GOT1L1: variants seen among roughly 807,000 people sequenced by gnomAD.
GOT1L1 encodes glutamic-oxaloacetic transaminase 1 like 1.
GOT1L1 carries 38 observed loss-of-function variants against 43.6 expected under a neutral mutation model. The ratio of observed to expected loss-of-function variants is 0.87; its 90% CI spans 0.67 to 1.14. GOT1L1 has a LOEUF of 1.14. Ranked by LOEUF, GOT1L1 falls within the 50% of genes most tolerant of loss-of-function variation. The probability of loss-of-function intolerance (pLI) is 0.00; values close to 1 mark genes in which losing one functional copy is unlikely to be tolerated. For missense variants in GOT1L1, 482 were observed against 504.0 expected, an observed-to-expected ratio of 0.96 and a Z score of 0.42; for synonymous variants, 183 against 187.2, an observed-to-expected ratio of 0.98 and a Z score of 0.18.
chr8:37,939,426 AAAAAAATATATAT>A (rs1299478589), intron 1 of GOT1L1, among the ~76,000 whole-genome samples: 4 of 54,602 alleles, frequency 7.3e-5, no homozygotes, highest in African/African-American at 3.3e-4. Context: ...GAAAAAAAAA[AAAAAAATATATAT>A]ATATATATAT....
At chr8:37,934,852 AG>A in intron 8 of GOT1L1, 1 of 594,694 alleles carries the variant, frequency 1.7e-6, no homozygotes, top group East Asian at 2.8e-5. Flanking sequence ...TTGGGATTAC[AG>A]GCATGAGCCA....
At chr8:37,938,575 G>C (rs577961995) in intron 2 of GOT1L1, 125 bp downstream of exon 2, 1 of 797,866 alleles carries the variant, frequency 1.3e-6, no homozygotes, top group Non-Finnish European at 1.9e-6. Context: ...GACTCTCTGA[G>C]CCTCAGGTAT....
intron 5 of GOT1L1, 23 bp downstream of exon 5, chr8:37,936,942 G>T (rs1158952637): frequency 8.7e-6 from 14 of 1,611,894 alleles, no homozygotes; most frequent in Non-Finnish European, 1.2e-5. Context: ...AGACAGGAAG[G>T]TCGGGTGGGA....
chr8:37,935,922 G>A (rs1026614893), intron 6 of GOT1L1, 53 bp from the exon 7 acceptor site: 15 of 1,574,804 alleles, frequency 9.5e-6, no homozygotes, highest in Non-Finnish European at 1.3e-5. Context: ...CACTCCCAAG[G>A]CCTTCACCTA....
chr8:37,938,626 G>T, intron 2 of GOT1L1, 74 bp downstream of exon 2: 3 of 1,374,564 alleles, frequency 2.2e-6, no homozygotes, highest in Non-Finnish European at 2.9e-6. Context: ...GGTCCCCTTC[G>T]GGTTTAAGGT....
At chr8:37,935,428 TGA>T (rs1289255296) in intron 7 of GOT1L1, among the ~76,000 whole-genome samples, 4 of 152,152 alleles carry the variant, frequency 2.6e-5, no homozygotes, top group African/African-American at 9.7e-5. Context: ...TGCAAGCCCC[TGA>T]TGCTCTCTTA....
chr8:37,939,949 A>G lies in GOT1L1; in HGVS notation c.81T>C (p.Asp27=), dbSNP rs151011886. ...CTAAGAATATCTTGTTCGGGTAATC[A>G]TCTTGTTTGTAGGTCTTTAACAAGC... The part of the protein sequence containing the change: ...EGSLLKTYKQ[D]DYPNKIFLAY... Residue 27 remains aspartate (D), a synonymous_variant, in exon 1 of 9, where the codon GAT becomes GAC. Coordinates refer to ENST00000307599, the MANE Select transcript of GOT1L1 (RefSeq NM_152413.3). The G allele has an allele frequency of 3.3e-3, 5,304 of 1,613,652 alleles. 16 individuals are homozygous for G. The highest frequency in any genetic ancestry group is 5.9e-3 in the Middle Eastern group (36 of 6,056).
At position 37,936,719 on chromosome 8, in the gene GOT1L1, C is replaced by A. The variant is rs760155142; in HGVS notation, c.763+1G>T. 6.2e-7 allele frequency: 1 copy of A among 1,609,132 alleles called. No homozygotes were observed. The highest frequency in any genetic ancestry group is 1.7e-5 in the Admixed American group (1 of 59,876). On this transcript the variant is annotated splice_donor_variant, in intron 6 of 8. Coordinates refer to ENST00000307599, the MANE Select transcript of GOT1L1 (RefSeq NM_152413.3). LOFTEE classifies it high-confidence loss of function. ...CCTCCCTTCTTCTGCCTGTACCATA[C>A]CATAAATGCCAAAATTCTTGGACAG...
chr8:37,937,873 T>G (rs1357867540), intron 2 of GOT1L1, 124 bp from the exon 3 acceptor site: 1 of 642,056 alleles, frequency 1.6e-6, no homozygotes, highest in African/African-American at 1.8e-5. Context: ...AAACCCCGTA[T>G]CTACTAAAAA....
Position 37,934,288 on chromosome 8 carries a change from A to G in GOT1L1, c.*5T>C. On this transcript the variant is annotated 3_prime_UTR_variant, in exon 9 of 9. Transcript: ENST00000307599. ...TGAATAATCAGCACAAGATTTTTGC[A>G]AAGACTAAAGTTTTATTCCAATCAG... The G allele has an allele frequency of 1.9e-6, 3 of 1,604,908 alleles. No homozygotes were observed. The highest frequency in any genetic ancestry group is 2.6e-6 in the Non-Finnish European group (3 of 1,174,142).
At chr8:37,938,676 C>T (rs1807830824) in intron 2 of GOT1L1, 24 bp downstream of exon 2, 2 of 1,545,544 alleles carry the variant, frequency 1.3e-6, no homozygotes, top group Admixed American at 1.9e-5. Context: ...TCTAAATGAG[C>T]CAGGGGAGGG....
rs762668985 is a variant in GOT1L1 at position 37,937,711 on chromosome 8, G to A, written c.336C>T (p.Phe112=). 6 of 1,613,068 alleles carry A rather than the reference G, an allele frequency of 3.7e-6. No homozygotes were observed. In the East Asian group the frequency reaches 6.7e-5, roughly 18 times the overall value. ...GVHTVGDSGA[F]QLGVQFLRAW... is the part of the protein sequence containing the mutation. ...CTCTGAGAAACTGGACGCCAAGCTG[G>A]AAGGCACCACTGTCACCAACAGTGT... Residue 112 remains phenylalanine (F), a synonymous_variant, in exon 3 of 9, where the codon TTC becomes TTT. Transcript: ENST00000307599.
At chr8:37,939,439 T>A (rs1463136974) in intron 1 of GOT1L1, among the ~76,000 whole-genome samples, 1,068 of 26,390 alleles carry the variant, frequency 0.04, 45 homozygotes, top group African/African-American at 0.22. Context: ...AAAATATATA[T>A]ATATATATAT....
Position 37,937,305 on chromosome 8 carries a change from T to C in GOT1L1, c.491A>G (p.Asp164Gly), listed in dbSNP as rs1167348370. 3.1e-6 allele frequency: 5 copies of C among 1,608,024 alleles called. No homozygotes were observed. Among genetic ancestry groups the C allele is most frequent in the Non-Finnish European group, 4.2e-6 (5 of 1,177,644 alleles). Residue 164 changes from aspartate to glycine, a missense_variant, in exon 4 of 9, where the codon GAC (aspartate) becomes GGC (glycine). Transcript: ENST00000307599. ...SVWDPKKLCM[D>G]PDILLNVVEQ... Reference sequence around the variant, plus strand: ...CACCACATTGAGGAGTATGTCGGGGTCCATGCATAGCTTCTTGGGGTCCCA... The same window carrying C: ...CACCACATTGAGGAGTATGTCGGGGCCCATGCATAGCTTCTTGGGGTCCCA...
At chr8:37,938,978 C>A in intron 1 of GOT1L1, 97 bp from the exon 2 acceptor site, 1 of 1,090,530 alleles carries the variant, frequency 9.2e-7, no homozygotes, top group Non-Finnish European at 1.4e-6. Flanking sequence ...TCCTGGACTC[C>A]ATGGGGCTGT....
chr8:37,936,346 G>A (rs1807756017), intron 6 of GOT1L1, among the ~76,000 whole-genome samples: 1 of 151,568 alleles, frequency 6.6e-6, no homozygotes, highest in East Asian at 1.9e-4. Context: ...CCGGGTCTCG[G>A]TGTGTTGCCC....
chr8:37,936,136 T>A (rs968083522), intron 6 of GOT1L1, among the ~76,000 whole-genome samples: 1 of 152,060 alleles, frequency 6.6e-6, no homozygotes, highest in African/African-American at 2.4e-5. Context: ...CTTTCCTTTT[T>A]TATTTTTATT....
In GOT1L1 at chr8:37,935,698, C is replaced by T; in HGVS notation, c.929+6G>A. On this transcript the variant is annotated splice_donor_region_variant and intron_variant, in intron 7 of 8. Coordinates refer to ENST00000307599, the MANE Select transcript of GOT1L1 (RefSeq NM_152413.3). Reference sequence around the variant, plus strand: ...CATCCCTTCCTGCTCCAGCCCTCACCCTTACCATTCTCCCAGCAGAGCAGG... The same window carrying T: ...CATCCCTTCCTGCTCCAGCCCTCACTCTTACCATTCTCCCAGCAGAGCAGG... 1 of 1,576,224 alleles carries T rather than the reference C, an allele frequency of 6.3e-7. No individual in the cohort carries two copies. The highest frequency in any genetic ancestry group is 8.6e-7 in the Non-Finnish European group (1 of 1,161,674).
In GOT1L1 at chr8:37,937,292, G is replaced by T. The variant is rs764214355; in HGVS notation, c.504C>A (p.Leu168=). The part of the protein sequence containing the change: ...PKKLCMDPDI[L]LNVVEQIPHG... Reference sequence around the variant, plus strand: ...GCCCCTCTACCTCCACCACATTGAGGAGTATGTCGGGGTCCATGCATAGCT... The same window carrying T: ...GCCCCTCTACCTCCACCACATTGAGTAGTATGTCGGGGTCCATGCATAGCT... Residue 168 remains leucine, a synonymous_variant, in exon 4 of 9, where the codon CTC becomes CTA. Transcript: ENST00000307599. 3 of 1,601,222 alleles carry T rather than the reference G, an allele frequency of 1.9e-6. No homozygotes were observed. Among genetic ancestry groups the T allele is most frequent in the South Asian group, 2.3e-5 (2 of 88,662 alleles).
Sources: gnomAD v4.1 joint callset for allele counts (sites outside exome capture counted in the v4.1 genomes callset) on GRCh38, gnomAD v4.1.1 for gene constraint, MANE v1.5 for transcripts, NCBI Gene and HGNC (gene_info 2026-07-23, HGNC 2026-07-21) for gene names.